Variants in ADD2 observed in about 807,000 individuals in gnomAD.
ADD2 encodes beta-adducin.
In ADD2, 23 loss-of-function variants were observed where a neutral mutation model predicts 83.0. That is an observed-to-expected ratio of 0.28 (90% CI 0.20 to 0.39). The LOEUF (loss-of-function observed/expected upper bound fraction) is 0.39, where lower values mean the gene tolerates loss of function less well. ADD2 is among the 10% of genes least tolerant of loss of function. The probability of loss-of-function intolerance (pLI) is 1.00; values close to 1 mark genes in which losing one functional copy is unlikely to be tolerated. For synonymous variants in ADD2, 375 were observed against 375.4 expected, an observed-to-expected ratio of 1.00 and a Z score of 0.01; for missense variants, 758 against 944.9, an observed-to-expected ratio of 0.80 and a Z score of 2.59.
chr2:70,689,296 G>A (rs568281541), intron 8 of ADD2, among the ~76,000 whole-genome samples: 2 of 152,292 alleles, frequency 1.3e-5, no homozygotes, highest in East Asian at 1.9e-4. Flanking sequence ...ACTTTTCTTC[G>A]TTGGTTTTAC....
chr2:70,738,725 G>A (rs1334501947), intron 1 of ADD2, among the ~76,000 whole-genome samples: 1 of 152,210 alleles, frequency 6.6e-6, no homozygotes, highest in Non-Finnish European at 1.5e-5. Context: ...AAAAGTGCCT[G>A]TGACAGGATG....
At position 70,678,829 on chromosome 2, in the gene ADD2, G is replaced by T. The variant is rs1670310688; in HGVS notation, c.1258C>A (p.Arg420=). The change falls in exon 11 of 16, where the codon CGA becomes AGA. Residue 420 remains arginine (R), a synonymous_variant. Transcript: ENST00000264436. The part of the protein sequence containing the change: ...EEDGAPVPAL[R]QHAQKQQKEK... The stretch of plus-strand genomic sequence containing the variant: ...TTCTGCTGCTTCTGGGCATGCTGTC[G>T]CAGGGCGGGCACCGGGGCACCGTCC... 2.5e-6 allele frequency: 4 copies of T among 1,614,166 alleles called. No individual in the cohort carries two copies. Among genetic ancestry groups the T allele is most frequent in the Middle Eastern group, 1.6e-4 (1 of 6,062 alleles).
chr2:70,692,611 C>T, intron 6 of ADD2, 59 bp from the exon 7 acceptor site: 1 of 1,505,860 alleles, frequency 6.6e-7, no homozygotes, highest in South Asian at 1.3e-5. Flanking sequence ...CCGCACTCCT[C>T]TCCCAGCTGG....
intron 4 of ADD2, among the ~76,000 whole-genome samples, chr2:70,703,384 T>C (rs1000576299): frequency 1.3e-5 from 2 of 152,170 alleles, no homozygotes; most frequent in South Asian, 4.1e-4. Context: ...AAACAAATGG[T>C]AGTATACACT....
At chr2:70,675,999 C>A in intron 13 of ADD2, 2 of 985,414 alleles carry the variant, frequency 2.0e-6, no homozygotes, top group South Asian at 4.7e-5. Context: ...GATGATACAA[C>A]TTTCACACTT....
In ADD2 at chr2:70,663,439, T is replaced by G; in HGVS notation, c.2167A>C (p.Lys723Gln). ...GGTGTCATGAATCAGGACTCCACTT[T>G]CTCCTTCTTTTTGCTCTTTTTCAGG... is the stretch of plus-strand genomic sequence containing the variant. ...SFLKKSKKKEKVES is the reference protein window; with the variant it reads ...SFLKKSKKKEQVES The change falls in exon 16 of 16, where the codon AAA (lysine) becomes CAA (glutamine). Residue 723 changes from lysine (K) to glutamine (Q), a missense_variant. Around this residue, in one of 5 missense-constraint regions of ADD2, gnomAD observed 165 missense variants for 176.2 expected, o/e 0.94. Transcript: ENST00000264436. 1.2e-6 allele frequency: 2 copies of G among 1,613,356 alleles called. No homozygotes were observed. Among genetic ancestry groups the G allele is most frequent in the Non-Finnish European group, 1.7e-6 (2 of 1,179,766 alleles).
rs1675561655 is a variant in ADD2, at chr2:70,662,197, G to C, written c.*1228C>G. On this transcript the variant is annotated 3_prime_UTR_variant, in exon 16 of 16. Coordinates refer to ENST00000264436, the MANE Select transcript of ADD2 (RefSeq NM_001617.4). ...GCTCATTAATCAATGCCCCACGGAA[G>C]AACATGAGAAGACAGTGTTGGCATT... The C allele has an allele frequency of 6.6e-6, 1 of 152,330 alleles. No homozygotes were observed. Among genetic ancestry groups the C allele is most frequent in the Admixed American group, 6.5e-5 (1 of 15,304 alleles). 9.4% of individuals were successfully genotyped at this position (152,330 alleles called of 1,614,324 possible).
In ADD2 at chr2:70,678,831, A is replaced by C. The variant is rs1553368955; in HGVS notation, c.1256T>G (p.Leu419Arg). The change falls in exon 11 of 16, where the codon CTG becomes CGG. Residue 419 changes from leucine to arginine, a missense_variant. Coordinates refer to ENST00000264436, the MANE Select transcript of ADD2 (RefSeq NM_001617.4). ...CTGCTGCTTCTGGGCATGCTGTCGC[A>C]GGGCGGGCACCGGGGCACCGTCCTC... ...FEEDGAPVPA[L>R]RQHAQKQQKE... 59 of 1,614,048 alleles carry C rather than the reference A, an allele frequency of 3.7e-5. No individual in the cohort carries two copies. The highest frequency in any genetic ancestry group is 4.9e-5 in the Non-Finnish European group (58 of 1,180,028).
At chr2:70,740,007 C>T (rs1553380794) in intron 1 of ADD2, among the ~76,000 whole-genome samples, 1 of 152,006 alleles carries the variant, frequency 6.6e-6, no homozygotes, top group African/African-American at 2.4e-5. Flanking sequence ...TGCACATGTA[C>T]CCCTGAACCT....
rs1675389963 is a variant in ADD2, at chr2:70,657,229, A to G, written c.*6196T>C. ...AAACCTCACAATACTAGGAAAAGCTAAACACAGACAATGTATGTACAAGGG... is the reference window on the plus strand; with the variant it reads ...AAACCTCACAATACTAGGAAAAGCTGAACACAGACAATGTATGTACAAGGG... On this transcript the variant is annotated 3_prime_UTR_variant, in exon 16 of 16. Coordinates refer to ENST00000264436, the MANE Select transcript of ADD2 (RefSeq NM_001617.4). 1 of 152,162 alleles carries G rather than the reference A, an allele frequency of 6.6e-6. No individual in the cohort carries two copies. Among genetic ancestry groups the G allele is most frequent in the South Asian group, 2.1e-4 (1 of 4,820 alleles). The allele number at this position is 152,162 out of a possible 1,614,324, so 9.4% of individuals were successfully genotyped here.
intron 1 of ADD2, among the ~76,000 whole-genome samples, chr2:70,752,812 C>T (rs75201523): frequency 0.02 from 3,013 of 152,262 alleles, 50 homozygotes; most frequent in Middle Eastern, 0.027. Context: ...AAGTAAGATC[C>T]GGAGACCAGC....
intron 1 of ADD2, 196 bp downstream of exon 1, chr2:70,767,690 A>G: frequency 7.2e-7 from 1 of 1,398,092 alleles, no homozygotes; most frequent in Non-Finnish European, 9.2e-7. Flanking sequence ...AGAGCCTCGG[A>G]TGCTACATCA....
At chr2:70,702,783 T>C (rs1422839676) in intron 4 of ADD2, among the ~76,000 whole-genome samples, 3 of 150,944 alleles carry the variant, frequency 2.0e-5, no homozygotes, top group Admixed American at 6.6e-5. Flanking sequence ...AAGAAAATAA[T>C]ACACTAATAG....
chr2:70,676,990 G>T lies in ADD2; in HGVS notation c.1504-105C>A, dbSNP rs1013580956. Reference sequence around the variant, plus strand: ...CTGGGGTCTAGAAAGGTCCTCTAGCGGTGTGGGAGCCCGTCACCTATCCTA... The same window carrying T: ...CTGGGGTCTAGAAAGGTCCTCTAGCTGTGTGGGAGCCCGTCACCTATCCTA... On this transcript the variant is annotated intron_variant, in intron 12 of 15. Transcript: ENST00000264436. This position sits in a 1 kb window ranked among gnomAD's most constrained non-coding sequence, Gnocchi z 4.8. 6.7e-7 allele frequency: 1 copy of T among 1,495,464 alleles called. No individual in the cohort carries two copies. Among genetic ancestry groups the T allele is most frequent in the Non-Finnish European group, 8.9e-7 (1 of 1,118,646 alleles). 92.6% of individuals were successfully genotyped at this position (1,495,464 alleles called of 1,614,324 possible). A position where few individuals can be genotyped will look rare whatever the true frequency, so the allele number is the denominator to read the frequency against.
chr2:70,689,087 C>A (rs1553371049), intron 8 of ADD2, among the ~76,000 whole-genome samples: 1 of 145,632 alleles, frequency 6.9e-6, no homozygotes, highest in Non-Finnish European at 1.5e-5. Context: ...CAGAGCAAGA[C>A]TCCGTCTCAA....
chr2:70,668,011 A>C (rs1669722101), intron 15 of ADD2, among the ~76,000 whole-genome samples: 1 of 152,136 alleles, frequency 6.6e-6, no homozygotes, highest in Non-Finnish European at 1.5e-5. Flanking sequence ...GCCCTCTCAC[A>C]TAGAACAAAA....
At position 70,656,954 on chromosome 2, in the gene ADD2, C is replaced by T. The variant is rs1429621917; in HGVS notation, c.*6471G>A. ...GAAAGTTCTCGTGAAAATCAAAGGG[C>T]AGCTTTGGTGCTCAGAGATTCAAAC... On this transcript the variant is annotated 3_prime_UTR_variant, in exon 16 of 16. Transcript: ENST00000264436. The T allele has an allele frequency of 6.6e-6, 1 of 151,988 alleles. No homozygotes were observed. The highest frequency in any genetic ancestry group is 1.5e-5 in the Non-Finnish European group (1 of 68,018). The allele number at this position is 151,988 out of a possible 1,614,324, so 9.4% of individuals were successfully genotyped here.
intron 1 of ADD2, among the ~76,000 whole-genome samples, chr2:70,731,303 C>G (rs1368131774): frequency 6.6e-6 from 1 of 151,870 alleles, no homozygotes; most frequent in Non-Finnish European, 1.5e-5. Flanking sequence ...ATGCCACTGT[C>G]CACACCTACT....
chr2:70,666,858 A>T (rs1675821498), intron 15 of ADD2, among the ~76,000 whole-genome samples: 1 of 152,186 alleles, frequency 6.6e-6, no homozygotes. Context: ...CCACATCATG[A>T]ATTGTTTGAG....
Sources: gnomAD v4.1 joint callset for allele counts (sites outside exome capture counted in the v4.1 genomes callset) on GRCh38, gnomAD v4.1.1 for gene constraint, gnomAD v4.1.1 regional missense constraint, Gnocchi (gnomAD v3.1) non-coding constraint, MANE v1.5 for transcripts, NCBI Gene and HGNC (gene_info 2026-07-23, HGNC 2026-07-21) for gene names.